Variants in SETD5 observed in about 807,000 individuals in gnomAD.
SETD5 encodes the protein histone-lysine N-methyltransferase SETD5.
Under a neutral mutation model 153.3 loss-of-function variants are expected in SETD5, and 44 were observed. That is an observed-to-expected ratio of 0.29 (90% CI 0.23 to 0.37). SETD5 has a LOEUF of 0.37. Among genes scored for constraint, SETD5 ranks in the 10% least tolerant of loss-of-function variants. The pLI is 1.00. For synonymous variants in SETD5, 716 were observed against 645.2 expected, an observed-to-expected ratio of 1.11 and a Z score of -1.66; for missense variants, 1,544 against 1,768.0, an observed-to-expected ratio of 0.87 and a Z score of 2.27.
intron 12 of SETD5, 28 bp downstream of exon 12, chr3:9,445,328 C>A (rs1244372015): frequency 4.4e-6 from 7 of 1,588,224 alleles, no homozygotes; most frequent in Non-Finnish European, 6.0e-6. Flanking sequence ...AATGATGATG[C>A]TATGGCATCA....
intron 10 of SETD5, 27 bp from the exon 11 acceptor site, chr3:9,443,281 A>G: frequency 6.5e-7 from 1 of 1,528,678 alleles, no homozygotes; most frequent in Non-Finnish European, 8.9e-7. Flanking sequence ...CTTTATGAAA[A>G]ATCCAACCAG....
intron 7 of SETD5, among the ~76,000 whole-genome samples, chr3:9,438,587 C>G (rs2040880679): frequency 6.6e-6 from 1 of 151,990 alleles, no homozygotes. Context: ...AAATTTTATG[C>G]TCAGAATTAC....
intron 1 of SETD5, among the ~76,000 whole-genome samples, chr3:9,422,384 G>C (rs552060189): frequency 8.6e-4 from 131 of 152,166 alleles, no homozygotes; most frequent in African/African-American, 3.0e-3. Context: ...TATACTTTCT[G>C]TCTCTGAATT....
intron 1 of SETD5, among the ~76,000 whole-genome samples, chr3:9,399,903 A>C (rs374610977): frequency 9.8e-6 from 1 of 101,586 alleles, no homozygotes; most frequent in Non-Finnish European, 2.5e-5. Context: ...GTTGGATCAC[A>C]GGGGTGAGTA....
At chr3:9,430,228 C>T (rs2039801641) in intron 3 of SETD5, 1 of 984,890 alleles carries the variant, frequency 1.0e-6, no homozygotes, top group African/African-American at 1.7e-5. Context: ...TATATTTCTT[C>T]ATAAAGCCAC....
Position 9,476,033 on chromosome 3 carries a change from A to C in SETD5, c.4271A>C (p.Gln1424Pro). 1 of 1,613,964 alleles carries C rather than the reference A, an allele frequency of 6.2e-7. No individual in the cohort carries two copies. Among genetic ancestry groups the C allele is most frequent in the Non-Finnish European group, 8.5e-7 (1 of 1,179,868 alleles). Residue 1424 changes from glutamine to proline, a missense_variant, in exon 23 of 23, where the codon CAG becomes CCG. By Grantham distance (76) the Gln-to-Pro change is moderately conservative. Transcript: ENST00000402198. ...CACCGTGGGAGTGGGGGTGTGCACC[A>C]GTACCGACTCCAGCCACTGCAAGGG... The part of the protein sequence containing the change: ...YPHRGSGGVH[Q>P]YRLQPLQGSG...
intron 1 of SETD5, among the ~76,000 whole-genome samples, chr3:9,417,727 C>T (rs1211112672): frequency 2.0e-5 from 3 of 151,572 alleles, no homozygotes; most frequent in South Asian, 2.1e-4. Context: ...CCTCGTGATC[C>T]GCCCGCCTCG....
intron 1 of SETD5, among the ~76,000 whole-genome samples, chr3:9,405,796 T>G (rs1023183270): frequency 2.0e-5 from 3 of 152,210 alleles, no homozygotes; most frequent in Non-Finnish European, 4.4e-5. Flanking sequence ...TGTTTGTCGT[T>G]TTGTATGAAG....
At chr3:9,446,215 A>G (rs1198894593) in intron 13 of SETD5, among the ~76,000 whole-genome samples, 7 of 135,514 alleles carry the variant, frequency 5.2e-5, no homozygotes, top group Non-Finnish European at 9.2e-5. Flanking sequence ...TGAACCTGGG[A>G]GGCAGAGCTT....
intron 19 of SETD5, among the ~76,000 whole-genome samples, chr3:9,472,880 A>T (rs1483772855): frequency 1.3e-5 from 2 of 152,150 alleles, no homozygotes; most frequent in Non-Finnish European, 2.9e-5. Flanking sequence ...AGGTACTTCC[A>T]TTGTTGCAAA....
chr3:9,444,636 A>G (rs192382485), intron 11 of SETD5, among the ~76,000 whole-genome samples: 1 of 152,240 alleles, frequency 6.6e-6, no homozygotes, highest in East Asian at 1.9e-4. Context: ...GACGCCTGTA[A>G]TCCCAGCACT....
intron 18 of SETD5, among the ~76,000 whole-genome samples, chr3:9,465,455 A>C (rs1162708775): frequency 6.6e-6 from 1 of 152,166 alleles, no homozygotes; most frequent in African/African-American, 2.4e-5. Flanking sequence ...TAAAATGGAC[A>C]CTGTCTCTTT....
rs771250658 is a variant in SETD5, at chr3:9,448,006, G to A, written c.2103G>A (p.Lys701=). The part of the protein sequence containing the change: ...RAASKYPKTK[K]YLVTEWLNDK... ...CATCTAAATACCCCAAAACCAAAAA[G>A]GTAAGTCACAAATGCATCCTTTATA... is the stretch of plus-strand genomic sequence containing the variant. Residue 701 remains lysine, a splice_region_variant and synonymous_variant, in exon 15 of 23, where the codon AAG becomes AAA. Coordinates refer to ENST00000402198, the MANE Select transcript of SETD5 (RefSeq NM_001080517.3). The A allele has an allele frequency of 6.2e-6, 10 of 1,610,424 alleles. No homozygotes were observed. Among genetic ancestry groups the A allele is most frequent in the Admixed American group, 5.0e-5 (3 of 59,758 alleles).
intron 20 of SETD5, 134 bp from the exon 21 acceptor site, chr3:9,474,315 C>A: frequency 1.1e-6 from 1 of 935,934 alleles, no homozygotes; most frequent in East Asian, 2.7e-5. Flanking sequence ...AGAGGAAATA[C>A]GTTGTTTTAA....
chr3:9,445,262 G>A lies in SETD5; in HGVS notation c.1402G>A (p.Glu468Lys), dbSNP rs2125237013. Residue 468 changes from glutamate (E) to lysine (K), a missense_variant, in exon 12 of 23, where the codon GAA (glutamate) becomes AAA (lysine). This residue lies in a region of SETD5 where 782 missense variants were observed against 787.2 expected (regional missense o/e 0.99). Transcript: ENST00000402198. ...SEENNDQQSQ[E>K]VPEKVTVSSD... The stretch of plus-strand genomic sequence containing the variant: ...GGAGAATAATGACCAGCAATCACAA[G>A]AAGTTCCAGAAAAAGTAACTGTATC... The A allele has an allele frequency of 1.2e-6, 2 of 1,609,104 alleles. No homozygotes were observed. The highest frequency in any genetic ancestry group is 1.7e-6 in the Non-Finnish European group (2 of 1,177,328).
intron 17 of SETD5, among the ~76,000 whole-genome samples, chr3:9,458,504 G>C (rs983503503): frequency 6.6e-6 from 1 of 152,142 alleles, no homozygotes; most frequent in African/African-American, 2.4e-5. Flanking sequence ...GTAGCCTTAA[G>C]GAGGCTGAAG....
chr3:9,456,996 G>C (rs936958739), intron 17 of SETD5, among the ~76,000 whole-genome samples: 1 of 151,406 alleles, frequency 6.6e-6, no homozygotes, highest in Non-Finnish European at 1.5e-5. Context: ...AAGAAAGAAA[G>C]AGAGGGAGGG....
At chr3:9,411,215 G>A (rs1046896741) in intron 1 of SETD5, among the ~76,000 whole-genome samples, 4 of 152,112 alleles carry the variant, frequency 2.6e-5, no homozygotes, top group Non-Finnish European at 5.9e-5. Flanking sequence ...GGACACTGGT[G>A]CTACTTGAAG....
intron 1 of SETD5, among the ~76,000 whole-genome samples, chr3:9,399,199 A>G (rs1214142632): frequency 4.6e-5 from 7 of 152,212 alleles, no homozygotes; most frequent in Non-Finnish European, 1.0e-4. Context: ...GATGTTACAT[A>G]GCTATACTTG....
Sources: allele counts gnomAD v4.1 joint callset (sites outside exome capture counted in the v4.1 genomes callset), GRCh38; gene constraint gnomAD v4.1.1; regional missense constraint gnomAD v4.1.1; transcripts MANE v1.5; gene names NCBI Gene and HGNC (gene_info 2026-07-23, HGNC 2026-07-21).